Variants in CFAP61 observed in about 807,000 individuals in gnomAD.
CFAP61 encodes cilia- and flagella-associated protein 61.
In CFAP61, 107 loss-of-function variants were observed where a neutral mutation model predicts 135.6. The observed-to-expected ratio is 0.79, with a 90% CI of 0.67 to 0.93. CFAP61 has a LOEUF of 0.93. Among genes scored for constraint, CFAP61 ranks in the 40% least tolerant of loss-of-function variants. The pLI is 0.00. For missense variants in CFAP61, 1,507 were observed against 1,556.2 expected (o/e 0.97, Z 0.53); for synonymous variants, 575 against 578.5 (o/e 0.99, Z 0.09).
At chr20:20,344,976 T>G (rs1222690682) in intron 26 of CFAP61, among the ~76,000 whole-genome samples, 1 of 152,212 alleles carries the variant, frequency 6.6e-6, no homozygotes, top group African/African-American at 2.4e-5. Flanking sequence ...GAGGACATTA[T>G]GTTAAGTAAA....
At chr20:20,106,258 G>T (rs2048400978) in intron 8 of CFAP61, among the ~76,000 whole-genome samples, 1 of 151,852 alleles carries the variant, frequency 6.6e-6, no homozygotes, top group South Asian at 2.1e-4. Flanking sequence ...TGTTGTCAGG[G>T]ACATGACCCC....
At chr20:20,183,138 AT>A (rs925618170) in intron 13 of CFAP61, among the ~76,000 whole-genome samples, 5 of 141,042 alleles carry the variant, frequency 3.5e-5, no homozygotes, top group African/African-American at 5.4e-5. Context: ...TTACCTTCTG[AT>A]TTTTTTTTCT....
intron 18 of CFAP61, 51 bp from the exon 19 acceptor site, chr20:20,246,066 T>C (rs1255951129): frequency 8.9e-7 from 1 of 1,124,904 alleles, no homozygotes; most frequent in Non-Finnish European, 1.3e-6. Flanking sequence ...GATAAACTTT[T>C]GCTAAATTGC....
At chr20:20,158,693 A>C (rs1220491079) in intron 9 of CFAP61, among the ~76,000 whole-genome samples, 1 of 152,142 alleles carries the variant, frequency 6.6e-6, no homozygotes, top group East Asian at 1.9e-4. Context: ...CAGAAAGTAC[A>C]AACTATAATG....
At chr20:20,144,318 T>C (rs2051677170) in intron 9 of CFAP61, among the ~76,000 whole-genome samples, 1 of 152,076 alleles carries the variant, frequency 6.6e-6, no homozygotes, top group Admixed American at 6.5e-5. Context: ...ACAAAAACAT[T>C]AGAACAGTTA....
intron 8 of CFAP61, among the ~76,000 whole-genome samples, chr20:20,138,133 A>C (rs537079463): frequency 6.6e-6 from 1 of 152,182 alleles, no homozygotes; most frequent in South Asian, 2.1e-4. Flanking sequence ...AAGTTACAAG[A>C]CAAAGTCCTC....
intron 26 of CFAP61, among the ~76,000 whole-genome samples, chr20:20,351,574 GA>G (rs59389638): frequency 2.0e-4 from 28 of 142,970 alleles, no homozygotes; most frequent in African/African-American, 4.4e-4. Flanking sequence ...ACTCTGTCTC[GA>G]AAAAAAAAAA....
At chr20:20,358,666 G>T (rs721424) in intron 26 of CFAP61, among the ~76,000 whole-genome samples, 76,949 of 152,072 alleles carry the variant, frequency 0.51, 21,333 homozygotes, top group Non-Finnish European at 0.63. Context: ...GTTTAAATCT[G>T]AATTCCTGCA....
intron 21 of CFAP61, among the ~76,000 whole-genome samples, chr20:20,273,178 G>C (rs536829035): frequency 2.0e-5 from 3 of 151,258 alleles, no homozygotes; most frequent in African/African-American, 7.3e-5. Context: ...ACTACATTCA[G>C]CCCTGTCTTT....
intron 25 of CFAP61, among the ~76,000 whole-genome samples, chr20:20,336,808 A>G (rs2058208185): frequency 6.6e-6 from 1 of 152,100 alleles, no homozygotes; most frequent in Non-Finnish European, 1.5e-5. Flanking sequence ...GGCCTTGTGG[A>G]ACACACTCCA....
At chr20:20,285,672 C>G (rs2054532126) in intron 22 of CFAP61, among the ~76,000 whole-genome samples, 1 of 152,120 alleles carries the variant, frequency 6.6e-6, no homozygotes, top group Admixed American at 6.5e-5. Flanking sequence ...AAACCTAGCA[C>G]TTTGGGAGGC....
chr20:20,166,728 A>G (rs1328239931), intron 12 of CFAP61, among the ~76,000 whole-genome samples: 1 of 101,526 alleles, frequency 9.8e-6, no homozygotes, highest in Non-Finnish European at 2.1e-5. Context: ...GTTGGAAATT[A>G]AAGTGAATGA....
chr20:20,056,147 A>G (rs921230462), intron 1 of CFAP61: 4 of 638,134 alleles, frequency 6.3e-6, no homozygotes, highest in South Asian at 6.0e-5. Context: ...AGCATTTCCT[A>G]CACTTAACCA....
At chr20:20,355,016 A>AGAGGGGAGGTGATCACACT (rs2059017771) in intron 26 of CFAP61, among the ~76,000 whole-genome samples, 1 of 104,298 alleles carries the variant, frequency 9.6e-6, no homozygotes, top group Non-Finnish European at 1.9e-5. Flanking sequence ...TCACACTGCA[A>AGAGGGGAGGTGATCACACT]GAGGGGAGGT....
At chr20:20,111,077 C>T (rs2048771358) in intron 8 of CFAP61, among the ~76,000 whole-genome samples, 1 of 152,116 alleles carries the variant, frequency 6.6e-6, no homozygotes, top group Non-Finnish European at 1.5e-5. Context: ...CTCACATGAG[C>T]AGATTATAGT....
chr20:20,240,907 G>A (rs2049974841), intron 18 of CFAP61, among the ~76,000 whole-genome samples: 1 of 152,088 alleles, frequency 6.6e-6, no homozygotes, highest in Non-Finnish European at 1.5e-5. Flanking sequence ...GTGATGGCTG[G>A]AGCTCCAGGA....
chr20:20,137,213 C>T (rs1376260921), intron 8 of CFAP61, among the ~76,000 whole-genome samples: 1 of 152,210 alleles, frequency 6.6e-6, no homozygotes. Context: ...AACCTTAAGG[C>T]AGCACAGCCA....
At position 20,146,239 on chromosome 20, in the gene CFAP61, G is replaced by A. The variant is rs142401014; in HGVS notation, c.951+3291G>A. 6.6e-5 allele frequency among the ~76,000 whole-genome samples: 10 copies of A among 152,256 alleles called. No individual in the cohort carries two copies. The East Asian group carries it at 1.9e-3, about 29-fold the overall frequency. ...GGCATCAATGTCAAGATGATACTGG[G>A]TAACACCCTACAACTGGATGAACTA... On this transcript the variant is annotated intron_variant, in intron 9 of 26. Coordinates refer to ENST00000245957, the MANE Select transcript of CFAP61 (RefSeq NM_015585.4).
intron 2 of CFAP61, among the ~76,000 whole-genome samples, chr20:20,061,901 C>G (rs546524675): frequency 6.6e-6 from 1 of 152,220 alleles, no homozygotes; most frequent in South Asian, 2.1e-4. Context: ...TGGGTACTCA[C>G]TCCCAGCTAG....
Sources: gnomAD v4.1 joint callset for allele counts (sites outside exome capture counted in the v4.1 genomes callset) on GRCh38, gnomAD v4.1.1 for gene constraint, MANE v1.5 for transcripts, NCBI Gene and HGNC (gene_info 2026-07-23, HGNC 2026-07-21) for gene names.